KATNIP: variants seen among roughly 807,000 people sequenced by gnomAD.
KATNIP encodes the protein katanin interacting protein.
Under a neutral mutation model 174.0 loss-of-function variants are expected in KATNIP, and 126 were observed. The observed-to-expected ratio is 0.72, with a 90% CI of 0.63 to 0.84. KATNIP has a LOEUF of 0.84. Among genes scored for constraint, KATNIP ranks in the 40% least tolerant of loss-of-function variants. The pLI is 0.00. For synonymous variants in KATNIP, 810 were observed against 835.7 expected, an observed-to-expected ratio of 0.97 and a Z score of 0.53; for missense variants, 1,958 against 2,109.7, an observed-to-expected ratio of 0.93 and a Z score of 1.41.
chr16:27,718,126 A>G (rs184710059), intron 13 of KATNIP: 1 of 152,258 alleles, frequency 6.6e-6, no homozygotes, highest in Admixed American at 6.5e-5. Context: ...TGCATGAAAG[A>G]TGGAGGCTCG....
intron 2 of KATNIP, among the ~76,000 whole-genome samples, chr16:27,614,170 C>T (rs902569433): frequency 6.6e-6 from 1 of 151,300 alleles, no homozygotes; most frequent in Admixed American, 6.6e-5. Context: ...CTCCAACCCC[C>T]GGGTTCAAGC....
chr16:27,665,855 C>G lies in KATNIP; in HGVS notation c.541-11874C>G, dbSNP rs145015562. Among the ~76,000 whole-genome samples the G allele has an allele frequency of 5.2e-3, 797 of 152,306 alleles. 7 individuals carry two copies. Among genetic ancestry groups the G allele is most frequent in the African/African-American group, 0.018 (766 of 41,556 alleles). On this transcript the variant is annotated intron_variant, in intron 6 of 27. Coordinates refer to ENST00000261588, the MANE Select transcript of KATNIP (RefSeq NM_015202.5). Reference sequence around the variant, plus strand: ...GCCTCAGGTGATCCACCCACCTCGGCCTGGCAAAGTGCTGGGATTACAGGT... The same window carrying G: ...GCCTCAGGTGATCCACCCACCTCGGGCTGGCAAAGTGCTGGGATTACAGGT...
chr16:27,731,968 C>T (rs1273268643), intron 14 of KATNIP, among the ~76,000 whole-genome samples: 1 of 152,150 alleles, frequency 6.6e-6, no homozygotes, highest in Admixed American at 6.5e-5. Context: ...AGAGCCAGGC[C>T]CTGCAGGAGG....
chr16:27,712,550 T>A (rs2079621898), intron 13 of KATNIP, among the ~76,000 whole-genome samples: 1 of 152,126 alleles, frequency 6.6e-6, no homozygotes, highest in African/African-American at 2.4e-5. Flanking sequence ...AAGCGGAGGC[T>A]GGGTTTGAAA....
At chr16:27,748,365 C>T (rs775007865) in intron 15 of KATNIP, among the ~76,000 whole-genome samples, 1 of 152,158 alleles carries the variant, frequency 6.6e-6, no homozygotes, top group Non-Finnish European at 1.5e-5. Flanking sequence ...GCAGGCGAAT[C>T]GCTTGAGCCC....
chr16:27,692,696 G>A (rs1187369390), intron 8 of KATNIP, among the ~76,000 whole-genome samples: 1 of 152,150 alleles, frequency 6.6e-6, no homozygotes, highest in Non-Finnish European at 1.5e-5. Flanking sequence ...CATCTCAAAT[G>A]ACAGTGCGTC....
rs575987847 is a variant in KATNIP at position 27,657,221 on chromosome 16, C to T, written c.540+8486C>T. ...GGTCAGGATCAAGAATATGTGTGTA[C>T]ATATTGAGAAGGAAAAAGTGGGAGG... On this transcript the variant is annotated intron_variant, in intron 6 of 27. Transcript: ENST00000261588. Among the ~76,000 whole-genome samples the T allele has an allele frequency of 1.4e-4, 22 of 151,778 alleles. No individual in the cohort carries two copies. The South Asian group carries it at 4.4e-3, about 30-fold the overall frequency.
At chr16:27,631,248 AC>A in intron 5 of KATNIP, 86 bp downstream of exon 5, 2 of 1,065,870 alleles carry the variant, frequency 1.9e-6, no homozygotes, top group Non-Finnish European at 2.8e-6. Context: ...AGCATTTAAA[AC>A]CCCCATGGGC....
intron 7 of KATNIP, among the ~76,000 whole-genome samples, chr16:27,679,583 C>CA (rs949197438): frequency 7.9e-5 from 12 of 151,582 alleles, no homozygotes; most frequent in Non-Finnish European, 1.6e-4. Flanking sequence ...CCCATCTCTA[C>CA]AAAAAAATGT....
chr16:27,582,173 A>G (rs995000606), intron 2 of KATNIP, among the ~76,000 whole-genome samples: 15 of 152,148 alleles, frequency 9.9e-5, no homozygotes, highest in African/African-American at 3.6e-4. Flanking sequence ...AACTGCAGAT[A>G]CTTCCTTCCC....
intron 3 of KATNIP, among the ~76,000 whole-genome samples, chr16:27,621,336 C>A (rs955840475): frequency 6.6e-6 from 1 of 152,096 alleles, no homozygotes; most frequent in African/African-American, 2.4e-5. Flanking sequence ...ATAGCTACAT[C>A]CAAGTGTTTA....
Position 27,631,094 on chromosome 16 carries a change from G to A in KATNIP, c.340G>A (p.Ala114Thr). ...DYGRRTLFRE[A>T]EEALRRSSRT... Reference sequence around the variant, plus strand: ...TGGACGAAGAACTCTGTTTCGAGAAGCTGAAGAAGCCTTAAGACGCAGTTC... The same window carrying A: ...TGGACGAAGAACTCTGTTTCGAGAAACTGAAGAAGCCTTAAGACGCAGTTC... The change falls in exon 5 of 28, where the codon GCT (alanine) becomes ACT (threonine). Residue 114 changes from alanine to threonine, a missense_variant. Physicochemically the swap from Ala to Thr is moderately conservative, Grantham distance 58. Coordinates refer to ENST00000261588, the MANE Select transcript of KATNIP (RefSeq NM_015202.5). 2 of 1,575,634 alleles carry A rather than the reference G, an allele frequency of 1.3e-6. No homozygotes were observed. The highest frequency in any genetic ancestry group is 2.3e-5 in the East Asian group (1 of 43,318).
chr16:27,696,776 C>T (rs555968930), intron 8 of KATNIP, among the ~76,000 whole-genome samples: 57 of 151,372 alleles, frequency 3.8e-4, no homozygotes, highest in African/African-American at 1.3e-3. Flanking sequence ...TTGCCCTGGC[C>T]GGAGTGCAAT....
chr16:27,777,165 C>T lies in KATNIP; in HGVS notation c.4551+136C>T. On this transcript the variant is annotated intron_variant, in intron 25 of 27. Transcript: ENST00000261588. The surrounding 1 kb of genome is among the most constrained non-coding windows in gnomAD (Gnocchi z 4.4). ...AACACAAATGCCTGGTCGTCAGATG[C>T]AGGCGAATTTCCCACCCAACCATGA... The T allele has an allele frequency of 1.6e-6, 1 of 643,916 alleles. No individual in the cohort carries two copies. Among genetic ancestry groups the T allele is most frequent in the Non-Finnish European group, 2.8e-6 (1 of 356,996 alleles). 39.9% of individuals were successfully genotyped at this position (643,916 alleles called of 1,614,324 possible).
At chr16:27,761,312 C>T (rs2081946898) in intron 18 of KATNIP, 101 bp from the exon 19 acceptor site, 2 of 1,274,366 alleles carry the variant, frequency 1.6e-6, no homozygotes, top group Admixed American at 2.5e-5. Flanking sequence ...GTTGAAGTTG[C>T]TAGAATATAG....
rs974081538 is a variant in KATNIP at position 27,774,485 on chromosome 16, T to A, written c.4310-460T>A. On this transcript the variant is annotated intron_variant, in intron 23 of 27. Coordinates refer to ENST00000261588, the MANE Select transcript of KATNIP (RefSeq NM_015202.5). ...AGAGCTAGAAGCTGGGTTCTGCAGA[T>A]CACATTAGCTGGGTCCAGCTGCTCC... Among the ~76,000 whole-genome samples the A allele has an allele frequency of 3.3e-5, 5 of 152,038 alleles. No homozygotes were observed. In the East Asian group the frequency reaches 9.6e-4, roughly 29 times the overall value.
intron 2 of KATNIP, among the ~76,000 whole-genome samples, chr16:27,607,346 C>T (rs537824383): frequency 1.3e-5 from 2 of 152,274 alleles, no homozygotes; most frequent in East Asian, 3.9e-4. Flanking sequence ...GCCTCCATTT[C>T]CTCCTCTGTA....
chr16:27,713,810 A>ACATACATAT (rs1567336792), intron 13 of KATNIP, among the ~76,000 whole-genome samples: 162 of 5,686 alleles, frequency 0.028, 9 homozygotes, highest in Non-Finnish European at 0.036. Context: ...GTGTATATAC[A>ACATACATAT]TATATATATA....
Position 27,740,250 on chromosome 16 carries a change from G to A in KATNIP, c.1953G>A (p.Gly651=). The change falls in exon 15 of 28, where the codon GGG becomes GGA. Residue 651 remains glycine (G), a synonymous_variant. Coordinates refer to ENST00000261588, the MANE Select transcript of KATNIP (RefSeq NM_015202.5). ...CCCATGAGATGGCTGGTGCCAGCGGGGACAAGGAGCTTGGTCTCGGTTGCT... is the reference window on the plus strand; with the variant it reads ...CCCATGAGATGGCTGGTGCCAGCGGAGACAAGGAGCTTGGTCTCGGTTGCT... ...KGTHEMAGAS[G]DKELGLGCSP... is the part of the protein sequence containing the mutation. 6 of 1,614,214 alleles carry A rather than the reference G, an allele frequency of 3.7e-6. No individual in the cohort carries two copies. Among genetic ancestry groups the A allele is most frequent in the South Asian group, 3.3e-5 (3 of 91,088 alleles).
Sources: allele counts gnomAD v4.1 joint callset (sites outside exome capture counted in the v4.1 genomes callset), GRCh38; gene constraint gnomAD v4.1.1; non-coding constraint Gnocchi (gnomAD v3.1); transcripts MANE v1.5; gene names NCBI Gene and HGNC (gene_info 2026-07-23, HGNC 2026-07-21).